ZNF655: variants seen among roughly 807,000 people sequenced by gnomAD.
ZNF655 encodes the protein zinc finger protein 655.
Under a neutral mutation model 6.6 loss-of-function variants are expected in ZNF655, and 3 were observed. The observed-to-expected ratio is 0.46, with a 90% CI of 0.21 to 1.18. The LOEUF is 1.18. Among genes scored for constraint, ZNF655 ranks in the 50% most tolerant of loss-of-function variants. The pLI is 0.24. For synonymous variants in ZNF655, 178 were observed against 195.0 expected, an observed-to-expected ratio of 0.91 and a Z score of 0.73; for missense variants, 526 against 572.3, an observed-to-expected ratio of 0.92 and a Z score of 0.83.
Position 99,573,629 on chromosome 7 carries a change from C to A in ZNF655, c.*45C>A. 1 of 1,564,844 alleles carries A rather than the reference C, an allele frequency of 6.4e-7. No individual in the cohort carries two copies. The highest frequency in any genetic ancestry group is 1.8e-5 in the Admixed American group (1 of 56,796). Reference sequence around the variant, plus strand: ...ATATTTATCAAATTCAGGCTTCATTCAGCATCTGAGAGTTCACACCAGGGA... The same window carrying A: ...ATATTTATCAAATTCAGGCTTCATTAAGCATCTGAGAGTTCACACCAGGGA... On this transcript the variant is annotated 3_prime_UTR_variant, in exon 3 of 3. Transcript: ENST00000252713.
chr7:99,562,355 TGTGTTATTTCAG>T, intron 2 of ZNF655: 1 of 1,613,844 alleles, frequency 6.2e-7, no homozygotes, highest in Non-Finnish European at 8.5e-7. Flanking sequence ...GCAGCCAGGA[TGTGTTATTTCAG>T]GAGTTTGTGA....
chr7:99,566,034 TG>T (rs1430597468), intron 2 of ZNF655, among the ~76,000 whole-genome samples: 5 of 151,760 alleles, frequency 3.3e-5, no homozygotes, highest in Admixed American at 3.3e-4. Flanking sequence ...TGTGTGTGTG[TG>T]TGTGTGTATA....
Position 99,576,419 on chromosome 7 carries a change from C to T in ZNF655, c.*2835C>T, listed in dbSNP as rs1251707723. 1 of 152,602 alleles carries T rather than the reference C, an allele frequency of 6.6e-6. No homozygotes were observed. The highest frequency in any genetic ancestry group is 1.5e-5 in the Non-Finnish European group (1 of 68,032). The allele number at this position is 152,602 out of a possible 1,614,324, so 9.5% of individuals were successfully genotyped here. On this transcript the variant is annotated 3_prime_UTR_variant, in exon 3 of 3. Coordinates refer to ENST00000252713, the MANE Select transcript of ZNF655 (RefSeq NM_138494.3). ...GGTTTAGGAATGTGCTTTTGTACTTCCACTTGAATAAAGGTGTGTTTGGTA... is the reference window on the plus strand; with the variant it reads ...GGTTTAGGAATGTGCTTTTGTACTTTCACTTGAATAAAGGTGTGTTTGGTA...
intron 2 of ZNF655, chr7:99,564,808 T>C: frequency 1.6e-6 from 1 of 629,818 alleles, no homozygotes; most frequent in South Asian, 7.1e-5. Flanking sequence ...CTCTTATCTC[T>C]GCACTGCACA....
At chr7:99,562,030 G>A (rs961079812) in intron 2 of ZNF655, 3 of 1,418,434 alleles carry the variant, frequency 2.1e-6, no homozygotes, top group African/African-American at 1.4e-5. Flanking sequence ...ATGGAGTGTG[G>A]CCTCTCTCTC....
At chr7:99,569,500 G>A (rs1263402504) in intron 2 of ZNF655, among the ~76,000 whole-genome samples, 1 of 152,050 alleles carries the variant, frequency 6.6e-6, no homozygotes, top group African/African-American at 2.4e-5. Flanking sequence ...TAAAGGCTAG[G>A]TTCTGAAATA....
chr7:99,565,585 A>G (rs888187443), intron 2 of ZNF655, among the ~76,000 whole-genome samples: 2 of 152,220 alleles, frequency 1.3e-5, no homozygotes, highest in Non-Finnish European at 2.9e-5. Flanking sequence ...GGTAATAAGT[A>G]ATTTTCGTTA....
In ZNF655 at chr7:99,573,711, C is replaced by T. The variant is rs1174890610; in HGVS notation, c.*127C>T. 8.7e-5 allele frequency: 96 copies of T among 1,098,300 alleles called. No individual in the cohort carries two copies. Among genetic ancestry groups the T allele is most frequent in the Non-Finnish European group, 1.2e-4 (91 of 773,396 alleles). The allele number at this position is 1,098,300 out of a possible 1,614,324, so 68.0% of individuals were successfully genotyped here. On this transcript the variant is annotated 3_prime_UTR_variant, in exon 3 of 3. Transcript: ENST00000252713. ...CTTCAGTCATAGCTCAGCCATTGCTCAGCATCAGATAATTCACACCAGAGA... is the reference window on the plus strand; with the variant it reads ...CTTCAGTCATAGCTCAGCCATTGCTTAGCATCAGATAATTCACACCAGAGA...
chr7:99,563,171 C>T, intron 2 of ZNF655: 1 of 455,246 alleles, frequency 2.2e-6, no homozygotes, highest in Non-Finnish European at 4.4e-6. Flanking sequence ...CATGTCTCTC[C>T]CTTGTCATTT....
chr7:99,561,323 G>A (rs1803138654), intron 2 of ZNF655, among the ~76,000 whole-genome samples: 1 of 152,216 alleles, frequency 6.6e-6, no homozygotes, highest in Admixed American at 6.5e-5. Flanking sequence ...GTTAACTCTA[G>A]TGCCTGAAAT....
intron 2 of ZNF655, among the ~76,000 whole-genome samples, chr7:99,568,444 G>A (rs546259884): frequency 6.6e-6 from 1 of 151,772 alleles, no homozygotes; most frequent in Non-Finnish European, 1.5e-5. Flanking sequence ...TAGAGACAGG[G>A]TTTCACCGTG....
intron 2 of ZNF655, chr7:99,561,974 G>T (rs368239230): frequency 1.3e-6 from 2 of 1,581,524 alleles, no homozygotes; most frequent in Non-Finnish European, 8.6e-7. Flanking sequence ...CAGGTACCAG[G>T]TGAGCTGAGG....
In ZNF655 at chr7:99,560,406, T is replaced by C. The variant is rs554298248; in HGVS notation, c.-27-127T>C. 278 of 955,952 alleles carry C rather than the reference T, an allele frequency of 2.9e-4. 1 individual carries two copies. In the African/African-American group the frequency reaches 4.2e-3, roughly 15 times the overall value. 59.2% of individuals were successfully genotyped at this position (955,952 alleles called of 1,614,324 possible). ...TTTTTCTGTTACTTATTTAGGGTGG[T>C]TAATCATTATCAACTAATTTTTATT... On this transcript the variant is annotated intron_variant, in intron 1 of 2. Transcript: ENST00000252713.
intron 1 of ZNF655, among the ~76,000 whole-genome samples, chr7:99,559,209 G>A (rs1470869794): frequency 2.0e-5 from 3 of 152,164 alleles, no homozygotes; most frequent in Non-Finnish European, 4.4e-5. Flanking sequence ...AAACCTGTTC[G>A]AACCGCAGCT....
At chr7:99,560,993 A>G (rs1015513230) in intron 2 of ZNF655, 4 of 234,394 alleles carry the variant, frequency 1.7e-5, no homozygotes, top group African/African-American at 9.0e-5. Context: ...TTTCTAAGAT[A>G]TGCTGCTTTT....
Position 99,564,363 on chromosome 7 carries a change from C to T in ZNF655, c.136+3668C>T, listed in dbSNP as rs537833867. On this transcript the variant is annotated intron_variant, in intron 2 of 2. Coordinates refer to ENST00000252713, the MANE Select transcript of ZNF655 (RefSeq NM_138494.3). Reference sequence around the variant, plus strand: ...TTTATGTGGCGAACACAACCTGCCCCGTATGGTGCCTAACTCTCCTGTGAA... The same window carrying T: ...TTTATGTGGCGAACACAACCTGCCCTGTATGGTGCCTAACTCTCCTGTGAA... 2.0e-5 allele frequency: 22 copies of T among 1,106,586 alleles called. No individual in the cohort carries two copies. The South Asian group carries it at 2.7e-4, about 13-fold the overall frequency. 68.5% of individuals were successfully genotyped at this position (1,106,586 alleles called of 1,614,324 possible). A position where few individuals can be genotyped will look rare whatever the true frequency, so the allele number is the denominator to read the frequency against.
Position 99,564,739 on chromosome 7 carries a change from G to T in ZNF655, c.136+4044G>T, listed in dbSNP as rs1044954534. ...CTTTTTGGAGTAAAGAAACTTTGTA[G>T]CAGTTTAATGCAGTCTAATAGCATA... On this transcript the variant is annotated intron_variant, in intron 2 of 2. Transcript: ENST00000252713. 19 of 982,806 alleles carry T rather than the reference G, an allele frequency of 1.9e-5. No homozygotes were observed. In the African/African-American group the frequency reaches 2.5e-4, roughly 13 times the overall value. 60.9% of individuals were successfully genotyped at this position (982,806 alleles called of 1,614,324 possible). A position where few individuals can be genotyped will look rare whatever the true frequency, so the allele number is the denominator to read the frequency against.
At position 99,558,695 on chromosome 7, in the gene ZNF655, G is replaced by T. The variant is rs1802801211; in HGVS notation, c.-120G>T. The T allele has an allele frequency of 6.6e-6, 1 of 152,118 alleles. No homozygotes were observed. Among genetic ancestry groups the T allele is most frequent in the Non-Finnish European group, 1.5e-5 (1 of 68,066 alleles). 9.4% of individuals were successfully genotyped at this position (152,118 alleles called of 1,614,324 possible). On this transcript the variant is annotated 5_prime_UTR_variant, in exon 1 of 3. Coordinates refer to ENST00000252713, the MANE Select transcript of ZNF655 (RefSeq NM_138494.3). ...AGTGCCACCGAGAAGCGCCGGCCTC[G>T]GGGCTGTCTACAGCGGCCCGGGAGA...
chr7:99,564,805 C>G (rs1351647633), intron 2 of ZNF655: 2 of 657,454 alleles, frequency 3.0e-6, no homozygotes, highest in African/African-American at 3.9e-5. Context: ...CCTCTCTTAT[C>G]TCTGCACTGC....
Sources: allele counts gnomAD v4.1 joint callset (sites outside exome capture counted in the v4.1 genomes callset), GRCh38; gene constraint gnomAD v4.1.1; transcripts MANE v1.5; gene names NCBI Gene and HGNC (gene_info 2026-07-23, HGNC 2026-07-21).